CHORDC1: variants seen among roughly 807,000 people sequenced by gnomAD.
CHORDC1 encodes cysteine and histidine rich domain containing 1.
Under a neutral mutation model 48.3 loss-of-function variants are expected in CHORDC1, and 25 were observed. The ratio of observed to expected loss-of-function variants is 0.52; its 90% confidence interval spans 0.38 to 0.72. The LOEUF (loss-of-function observed/expected upper bound fraction) is 0.72. Ranked by LOEUF, CHORDC1 falls within the 30% of genes least tolerant of loss-of-function variation. The probability of loss-of-function intolerance (pLI) is 0.00; values close to 1 mark genes in which losing one functional copy is unlikely to be tolerated. For synonymous variants in CHORDC1, 128 were observed against 126.4 expected (o/e 1.01, Z -0.09); for missense variants, 317 against 388.7 (o/e 0.82, Z 1.55).
Position 90,202,555 on chromosome 11 carries a change from T to G in CHORDC1, c.853-4A>C. The G allele has an allele frequency of 6.2e-7, 1 of 1,612,174 alleles. No individual in the cohort carries two copies. Among genetic ancestry groups the G allele is most frequent in the Non-Finnish European group, 8.5e-7 (1 of 1,178,964 alleles). ...AACTTCGCTTTACATCAATCACCTG[T>G]AACATATCAAAGAGAATTACAGGAA... On this transcript the variant is annotated splice_region_variant and splice_polypyrimidine_tract_variant and intron_variant, in intron 10 of 10. Transcript: ENST00000320585.
In CHORDC1 at chr11:90,222,894, C is replaced by T; in HGVS notation, c.61G>A (p.Asp21Asn). The T allele has an allele frequency of 1.9e-6, 3 of 1,613,958 alleles. No homozygotes were observed. The highest frequency in any genetic ancestry group is 2.5e-6 in the Non-Finnish European group (3 of 1,179,890). Residue 21 changes from aspartate to asparagine, a missense_variant, in exon 1 of 11, where the codon GAC becomes AAC. Physicochemically the swap from Asp to Asn is conservative, Grantham distance 23. Transcript: ENST00000320585. ...GQRFDPETNS[D>N]DACTYHPGVP... is the part of the protein sequence containing the mutation. ...GCTGGCGGCGCGTTCCTCTTACCGTCGGAATTGGTCTCAGGATCGAAGCGC... is the reference window on the plus strand; with the variant it reads ...GCTGGCGGCGCGTTCCTCTTACCGTTGGAATTGGTCTCAGGATCGAAGCGC...
intron 1 of CHORDC1, among the ~76,000 whole-genome samples, chr11:90,219,490 G>A (rs1021451354): frequency 6.6e-6 from 1 of 152,180 alleles, no homozygotes; most frequent in African/African-American, 2.4e-5. Flanking sequence ...TGCTCGTGAC[G>A]GCTTTGATGC....
At chr11:90,218,060 G>A (rs1293390632) in intron 2 of CHORDC1, 75 bp downstream of exon 2, 1 of 1,111,718 alleles carries the variant, frequency 9.0e-7, no homozygotes, top group Non-Finnish European at 1.3e-6. Flanking sequence ...AAAAAAAGAT[G>A]AGAAAATAAA....
intron 6 of CHORDC1, 129 bp from the exon 7 acceptor site, chr11:90,206,401 T>C (rs723715): frequency 0.46 from 279,803 of 610,352 alleles, 66,070 homozygotes; most frequent in East Asian, 0.6. Context: ...AGAAAATTCA[T>C]AAATCCATCC....
In CHORDC1 at chr11:90,202,408, A is replaced by G. The variant is rs1348548095; in HGVS notation, c.996T>C (p.Asp332=). The stretch of plus-strand genomic sequence containing the variant: ...TAGCCTTCCTTCCATCTCCCACTCA[A>G]TCTGTTGTGGCATCTTTTTGTTTTT... ...KQEKQKDATT[D] The change falls in exon 11 of 11, where the codon GAT becomes GAC. Residue 332 remains aspartate, a synonymous_variant. Transcript: ENST00000320585. 1.9e-6 allele frequency: 3 copies of G among 1,611,364 alleles called. No homozygotes were observed. Among genetic ancestry groups the G allele is most frequent in the Non-Finnish European group, 2.5e-6 (3 of 1,179,464 alleles).
intron 4 of CHORDC1, 126 bp from the exon 5 acceptor site, chr11:90,211,444 A>G (rs1404609510): frequency 4.6e-6 from 3 of 649,242 alleles, no homozygotes. Context: ...TTCCCATTAA[A>G]AGGTTAAAAG....
At chr11:90,213,221 T>A in intron 4 of CHORDC1, 1 of 493,044 alleles carries the variant, frequency 2.0e-6, no homozygotes, top group African/African-American at 1.9e-5. Context: ...CTTATCTTGG[T>A]TCTATATTAT....
At chr11:90,210,250 A>G (rs1220922282) in intron 6 of CHORDC1, among the ~76,000 whole-genome samples, 1 of 152,160 alleles carries the variant, frequency 6.6e-6, no homozygotes, top group Non-Finnish European at 1.5e-5. Context: ...GCTCCATAAG[A>G]AAAGAAATGT....
rs1369821077 is a variant in CHORDC1, at chr11:90,216,469, C to T, written c.115-1239G>A. On this transcript the variant is annotated intron_variant, in intron 2 of 10. Coordinates refer to ENST00000320585, the MANE Select transcript of CHORDC1 (RefSeq NM_012124.3). ...TGCAATGTTTAACTTCTTACTTGGT[C>T]AACTAGTATCCCTGTATTGATGTAT... 3 of 323,930 alleles carry T rather than the reference C, an allele frequency of 9.3e-6. No individual in the cohort carries two copies. The East Asian group carries it at 3.5e-4, about 37-fold the overall frequency. The allele number at this position is 323,930 out of a possible 1,614,324, so 20.1% of individuals were successfully genotyped here.
chr11:90,214,249 TTTA>T, intron 3 of CHORDC1, 74 bp from the exon 4 acceptor site: 1 of 1,110,378 alleles, frequency 9.0e-7, no homozygotes, highest in Non-Finnish European at 1.2e-6. Flanking sequence ...TTTTCAGTTC[TTTA>T]TTGATAGTGA....
chr11:90,205,391 T>C, intron 8 of CHORDC1, 69 bp downstream of exon 8: 1 of 1,003,984 alleles, frequency 1.0e-6, no homozygotes, highest in South Asian at 1.4e-5. Context: ...GACAGAATAA[T>C]TTCAAATCTT....
intron 8 of CHORDC1, among the ~76,000 whole-genome samples, chr11:90,204,047 G>C (rs1043107647): frequency 3.3e-5 from 5 of 151,888 alleles, no homozygotes; most frequent in South Asian, 2.1e-4. Flanking sequence ...ATATAAATGA[G>C]AACAATTTAG....
chr11:90,213,319 G>A, intron 4 of CHORDC1: 1 of 631,780 alleles, frequency 1.6e-6, no homozygotes, highest in South Asian at 1.8e-5. Context: ...ATTACAATAA[G>A]TGCCTACTTG....
rs150318764 is a variant in CHORDC1, at chr11:90,213,933, TATC to T, written c.329+82_329+84del. On this transcript the variant is annotated intron_variant, in intron 4 of 10. Coordinates refer to ENST00000320585, the MANE Select transcript of CHORDC1 (RefSeq NM_012124.3). Reference sequence around the variant, plus strand: ...TGGCCTACATAGTAGCTACAAATGGTATCATGCTAAATCATAAAGGAAAGTACC... The same window carrying T: ...TGGCCTACATAGTAGCTACAAATGGTATGCTAAATCATAAAGGAAAGTACC... 3.3e-4 allele frequency: 379 copies of T among 1,165,034 alleles called. 1 individual carries two copies. The African/African-American group carries it at 5.5e-3, about 17-fold the overall frequency. 72.2% of individuals were successfully genotyped at this position (1,165,034 alleles called of 1,614,324 possible). A position where few individuals can be genotyped will look rare whatever the true frequency, so the allele number is the denominator to read the frequency against.
At chr11:90,217,860 G>A (rs1858054653) in intron 2 of CHORDC1, 2 of 197,416 alleles carry the variant, frequency 1.0e-5, no homozygotes, top group African/African-American at 2.5e-5. Context: ...TCGCACCACT[G>A]CACTCCACCT....
In CHORDC1 at chr11:90,222,893, T is replaced by C; in HGVS notation, c.62A>G (p.Asp21Gly). 6.2e-7 allele frequency: 1 copy of C among 1,613,882 alleles called. No individual in the cohort carries two copies. The highest frequency in any genetic ancestry group is 8.5e-7 in the Non-Finnish European group (1 of 1,179,846). The change falls in exon 1 of 11, where the codon GAC (aspartate) becomes GGC (glycine). Residue 21 changes from aspartate (D) to glycine (G), a missense_variant and splice_region_variant. Transcript: ENST00000320585. ...GGCTGGCGGCGCGTTCCTCTTACCG[T>C]CGGAATTGGTCTCAGGATCGAAGCG... ...GQRFDPETNS[D>G]DACTYHPGVP... is the part of the protein sequence containing the mutation.
intron 4 of CHORDC1, chr11:90,213,713 G>A (rs1857930294): frequency 2.2e-6 from 1 of 454,606 alleles, no homozygotes; most frequent in African/African-American, 2.0e-5. Context: ...ATTTTACCAT[G>A]CCACAGTGAA....
rs553973709 is a variant in CHORDC1, at chr11:90,202,997, T to G, written c.790-122A>C. 12 of 1,233,108 alleles carry G rather than the reference T, an allele frequency of 9.7e-6. No individual in the cohort carries two copies. The East Asian group carries it at 2.9e-4, about 30-fold the overall frequency. 76.4% of individuals were successfully genotyped at this position (1,233,108 alleles called of 1,614,324 possible). On this transcript the variant is annotated intron_variant, in intron 9 of 10. Transcript: ENST00000320585. ...AGCTATTTTAAGAAACTGCCAATAC[T>G]GTATTGTTTCATATGAGAAAAGCCA...
chr11:90,213,453 TG>T (rs1565171021), intron 4 of CHORDC1: 1 of 691,498 alleles, frequency 1.4e-6, no homozygotes, highest in South Asian at 1.5e-5. Flanking sequence ...TATACATGTG[TG>T]GGAATACAGA....
Sources: gnomAD v4.1 joint callset for allele counts (sites outside exome capture counted in the v4.1 genomes callset) on GRCh38, gnomAD v4.1.1 for gene constraint, MANE v1.5 for transcripts, NCBI Gene and HGNC (gene_info 2026-07-23, HGNC 2026-07-21) for gene names.